FOCAD: variants seen among roughly 807,000 people sequenced by gnomAD.
FOCAD encodes focadhesin.
FOCAD carries 198 observed loss-of-function variants against 225.6 expected under a neutral mutation model. The ratio of observed to expected loss-of-function variants is 0.88; its 90% CI spans 0.78 to 0.99. The LOEUF (loss-of-function observed/expected upper bound fraction) is 0.99, where lower values mean the gene tolerates loss of function less well. Among genes scored for constraint, FOCAD ranks in the 50% least tolerant of loss-of-function variants. The pLI is 0.00. For missense variants in FOCAD, 2,713 were observed against 2,123.6 expected, an observed-to-expected ratio of 1.28 and a Z score of -5.46; for synonymous variants, 897 against 755.0, an observed-to-expected ratio of 1.19 and a Z score of -3.08.
rs1181523683 is a variant in FOCAD, at chr9:20,836,069, T to C, written c.1920+12954T>C. The stretch of plus-strand genomic sequence containing the variant: ...CTGAAATCATGGTGGAAGATAGTTG[T>C]CCCTGCCCTCTCTCATCATCCTAAC... On this transcript the variant is annotated intron_variant, in intron 15 of 43. Coordinates refer to ENST00000338382, the MANE Select transcript of FOCAD (RefSeq NM_001375567.1). Among the ~76,000 whole-genome samples, 3 of 152,172 alleles carry C rather than the reference T, an allele frequency of 2.0e-5. 1 individual carries two copies. In the East Asian group the frequency reaches 5.8e-4, roughly 29 times the overall value.
intron 4 of FOCAD, among the ~76,000 whole-genome samples, chr9:20,734,899 A>G (rs1298227938): frequency 6.6e-6 from 1 of 152,136 alleles, no homozygotes; most frequent in Admixed American, 6.6e-5. Flanking sequence ...GGGCCTCCCA[A>G]AGTGCTGGGA....
chr9:20,682,100 G>A (rs946483280), upstream of FOCAD, among the ~76,000 whole-genome samples: 6 of 152,170 alleles, frequency 3.9e-5, no homozygotes, highest in African/African-American at 1.4e-4. Context: ...TCTATCCTGT[G>A]ATGATACACA....
At chr9:20,813,994 T>G (rs972208086) in intron 11 of FOCAD, among the ~76,000 whole-genome samples, 1 of 152,194 alleles carries the variant, frequency 6.6e-6, no homozygotes, top group South Asian at 2.1e-4. Flanking sequence ...TTCTCTCTTG[T>G]GACGATTTTT....
intron 2 of FOCAD, among the ~76,000 whole-genome samples, chr9:20,667,094 C>G (rs1349134648): frequency 6.6e-6 from 1 of 152,214 alleles, no homozygotes; most frequent in East Asian, 1.9e-4. Context: ...TCTGAAGCTA[C>G]TAATAATTAC....
At chr9:20,918,675 G>T (rs945552435) in intron 24 of FOCAD, among the ~76,000 whole-genome samples, 1 of 149,912 alleles carries the variant, frequency 6.7e-6, no homozygotes, top group Non-Finnish European at 1.5e-5. Context: ...AGTGAGCAGA[G>T]ATCCCGCCAC....
chr9:20,708,115 C>T (rs951982699), intron 1 of FOCAD, among the ~76,000 whole-genome samples: 1 of 152,106 alleles, frequency 6.6e-6, no homozygotes, highest in African/African-American at 2.4e-5. Flanking sequence ...CTCTAGAATC[C>T]ACCCTTGAGC....
At chr9:20,818,131 C>G (rs1441796794) in intron 11 of FOCAD, among the ~76,000 whole-genome samples, 2 of 152,130 alleles carry the variant, frequency 1.3e-5, no homozygotes, top group Non-Finnish European at 2.9e-5. Flanking sequence ...CATCATGTCT[C>G]ATGAAATTGA....
chr9:20,835,395 G>A lies in FOCAD; in HGVS notation c.1920+12280G>A, dbSNP rs1825898509. On this transcript the variant is annotated intron_variant, in intron 15 of 43. Coordinates refer to ENST00000338382, the MANE Select transcript of FOCAD (RefSeq NM_001375567.1). ...CTTTCATTTGACTATAATTCTTATG[G>A]TTTTGCAGTTGTATCATGTTGCCTT... Among the ~76,000 whole-genome samples the A allele has an allele frequency of 1.3e-5, 2 of 152,022 alleles. 1 individual carries two copies. Among genetic ancestry groups the A allele is most frequent in the Non-Finnish European group, 2.9e-5 (2 of 67,976 alleles).
At chr9:20,895,104 T>C (rs1327527107) in intron 21 of FOCAD, among the ~76,000 whole-genome samples, 4 of 152,070 alleles carry the variant, frequency 2.6e-5, no homozygotes, top group African/African-American at 9.7e-5. Context: ...ATTGTTTGAC[T>C]CATTCTCAAA....
At chr9:20,966,246 C>G (rs529858375) in intron 35 of FOCAD, among the ~76,000 whole-genome samples, 4 of 151,988 alleles carry the variant, frequency 2.6e-5, no homozygotes, top group Non-Finnish European at 5.9e-5. Flanking sequence ...GAAGGTGGTA[C>G]CTCACGTGAT....
intron 11 of FOCAD, among the ~76,000 whole-genome samples, chr9:20,802,621 C>A (rs1821969155): frequency 6.6e-6 from 1 of 152,072 alleles, no homozygotes; most frequent in South Asian, 2.1e-4. Context: ...AACAAATAGA[C>A]TATTTTCCAA....
chr9:20,821,647 T>C (rs950638690), intron 14 of FOCAD, among the ~76,000 whole-genome samples: 2 of 152,008 alleles, frequency 1.3e-5, no homozygotes, highest in Admixed American at 1.3e-4. Context: ...ATAATACAAG[T>C]CAAGCTCTAC....
intron 22 of FOCAD, among the ~76,000 whole-genome samples, chr9:20,910,261 T>C (rs1028503617): frequency 1.3e-5 from 2 of 152,056 alleles, no homozygotes; most frequent in Non-Finnish European, 2.9e-5. Context: ...CTTGTTACCC[T>C]TCTGGGATGC....
intron 1 of FOCAD, 191 bp downstream of exon 1, chr9:20,684,484 G>A (rs1360375651): frequency 3.3e-5 from 5 of 152,970 alleles, no homozygotes; most frequent in African/African-American, 1.2e-4. Context: ...AGCCGGGAGG[G>A]GGCTTTTTGC....
intron 11 of FOCAD, among the ~76,000 whole-genome samples, chr9:20,801,503 A>T (rs1821830883): frequency 6.6e-6 from 1 of 152,176 alleles, no homozygotes; most frequent in African/African-American, 2.4e-5. Flanking sequence ...TTTTAATTGT[A>T]ATTTAGGATA....
At chr9:20,987,983 T>C (rs1039461851) in intron 40 of FOCAD, among the ~76,000 whole-genome samples, 1 of 152,230 alleles carries the variant, frequency 6.6e-6, no homozygotes, top group African/African-American at 2.4e-5. Context: ...AAACAAATAA[T>C]TGTCAACAAT....
At chr9:20,862,835 A>T in intron 16 of FOCAD, 123 bp downstream of exon 16, 1 of 1,142,314 alleles carries the variant, frequency 8.8e-7, no homozygotes, top group Non-Finnish European at 1.2e-6. Context: ...GACCATGTTG[A>T]TATGTTTATG....
intron 24 of FOCAD, among the ~76,000 whole-genome samples, chr9:20,919,408 C>T (rs1167833996): frequency 6.6e-6 from 1 of 152,148 alleles, no homozygotes; most frequent in African/African-American, 2.4e-5. Context: ...TTTATAGATT[C>T]AATGCCATCC....
At chr9:20,926,613 A>G (rs1834973620) in intron 26 of FOCAD, among the ~76,000 whole-genome samples, 196 bp downstream of exon 26, 1 of 151,962 alleles carries the variant, frequency 6.6e-6, no homozygotes, top group Admixed American at 6.6e-5. Context: ...GAGAAACCGC[A>G]TCTCTACTAA....
Sources: allele counts gnomAD v4.1 joint callset (sites outside exome capture counted in the v4.1 genomes callset), GRCh38; gene constraint gnomAD v4.1.1; transcripts MANE v1.5; gene names NCBI Gene and HGNC (gene_info 2026-07-23, HGNC 2026-07-21).